FRYL: variants seen among roughly 807,000 people sequenced by gnomAD.
FRYL encodes the protein FRY like transcription coactivator, also known as protein furry homolog-like.
FRYL carries 150 observed loss-of-function variants against 351.2 expected under a neutral mutation model. The ratio of observed to expected loss-of-function variants is 0.43; its 90% CI spans 0.37 to 0.49. FRYL has a LOEUF of 0.49. Ranked by LOEUF, FRYL falls within the 20% of genes least tolerant of loss-of-function variation. The pLI, the probability that FRYL is intolerant of heterozygous loss-of-function variation, is 0.00. For missense variants in FRYL, 3,036 were observed against 3,619.3 expected (o/e 0.84, Z 4.13); for synonymous variants, 1,153 against 1,257.1 (o/e 0.92, Z 1.75).
chr4:48,704,286 T>C (rs1767067014), intron 2 of FRYL, among the ~76,000 whole-genome samples: 1 of 151,834 alleles, frequency 6.6e-6, no homozygotes, highest in African/African-American at 2.4e-5. Context: ...GAAAAAGAAA[T>C]GCAAATGCCT....
intron 50 of FRYL, among the ~76,000 whole-genome samples, chr4:48,529,336 T>C (rs1577961315): frequency 1.3e-5 from 2 of 152,130 alleles, no homozygotes; most frequent in Admixed American, 6.6e-5. Flanking sequence ...CTCTATACCT[T>C]TGGTGTATCT....
chr4:48,566,162 C>A (rs1736733436), intron 28 of FRYL, among the ~76,000 whole-genome samples: 1 of 152,030 alleles, frequency 6.6e-6, no homozygotes, highest in African/African-American at 2.4e-5. Flanking sequence ...CTAAAGGAAG[C>A]TTACATGTAA....
chr4:48,702,123 C>T (rs1309651007), intron 2 of FRYL, among the ~76,000 whole-genome samples: 1 of 152,042 alleles, frequency 6.6e-6, no homozygotes, highest in African/African-American at 2.4e-5. Context: ...TAATCTCATA[C>T]AATTCAACGT....
chr4:48,652,104 T>C (rs1247115534), intron 3 of FRYL, among the ~76,000 whole-genome samples: 6 of 152,202 alleles, frequency 3.9e-5, no homozygotes, highest in African/African-American at 1.4e-4. Flanking sequence ...TCAAGGAGTA[T>C]GATTAAACAA....
At chr4:48,544,937 AT>A (rs1553924875) in intron 42 of FRYL, 33 bp from the exon 43 acceptor site, 15 of 1,572,382 alleles carry the variant, frequency 9.5e-6, no homozygotes, top group Non-Finnish European at 1.2e-5. Flanking sequence ...ATTTCCTTGG[AT>A]TTTCACTTGT....
chr4:48,675,355 G>A (rs890701478), intron 3 of FRYL, among the ~76,000 whole-genome samples: 15 of 152,364 alleles, frequency 9.8e-5, no homozygotes, highest in Admixed American at 8.5e-4. Flanking sequence ...AGGCGCGAGC[G>A]GAAACCGGGG....
intron 1 of FRYL, among the ~76,000 whole-genome samples, chr4:48,745,086 G>C (rs755128642): frequency 6.6e-6 from 1 of 152,074 alleles, no homozygotes; most frequent in Non-Finnish European, 1.5e-5. Context: ...AGTCCAAGAG[G>C]GCTTTTAATC....
intron 1 of FRYL, among the ~76,000 whole-genome samples, chr4:48,777,412 C>T (rs1776136080): frequency 6.6e-6 from 1 of 152,146 alleles, no homozygotes; most frequent in Non-Finnish European, 1.5e-5. Context: ...AGGACATTAT[C>T]TTTTTCTGTC....
At position 48,697,797 on chromosome 4, in the gene FRYL, G is replaced by A. The variant is rs140805046; in HGVS notation, c.-204+12722C>T. Among the ~76,000 whole-genome samples the A allele has an allele frequency of 1.2e-4, 18 of 152,192 alleles. No individual in the cohort carries two copies. In the East Asian group the frequency reaches 3.5e-3, roughly 29 times the overall value. On this transcript the variant is annotated intron_variant, in intron 2 of 63. Coordinates refer to ENST00000358350, the MANE Select transcript of FRYL (RefSeq NM_015030.2). Reference sequence around the variant, plus strand: ...TACTTTTAAAAAGCTTCATAGAGAAGTACTTAAAGAAAAAAATGAAATAGA... The same window carrying A: ...TACTTTTAAAAAGCTTCATAGAGAAATACTTAAAGAAAAAAATGAAATAGA...
chr4:48,508,070 CTT>C (rs2148747210), intron 59 of FRYL, among the ~76,000 whole-genome samples: 1 of 152,292 alleles, frequency 6.6e-6, no homozygotes, highest in East Asian at 1.9e-4. Flanking sequence ...AACATATAGT[CTT>C]TGTAACTATT....
At chr4:48,618,579 T>C (rs565878536) in intron 7 of FRYL, 67 of 93,592 alleles carry the variant, frequency 7.2e-4, no homozygotes, top group African/African-American at 2.7e-3. Flanking sequence ...TTAAAGACCA[T>C]GATCTTTAAA....
intron 46 of FRYL, 140 bp from the exon 47 acceptor site, chr4:48,540,208 C>T (rs1729861853): frequency 1.7e-6 from 2 of 1,203,552 alleles, no homozygotes; most frequent in Non-Finnish European, 2.3e-6. Context: ...TCTTTTTTGG[C>T]TTTTACCAAA....
rs1043626048 is a variant in FRYL, at chr4:48,728,944, G to C, written c.-383-18246C>G. Among the ~76,000 whole-genome samples, 32 of 152,362 alleles carry C rather than the reference G, an allele frequency of 2.1e-4. 1 individual carries two copies. The highest frequency in any genetic ancestry group is 2.0e-3 in the Admixed American group (31 of 15,308). On this transcript the variant is annotated intron_variant, in intron 1 of 63. Coordinates refer to ENST00000358350, the MANE Select transcript of FRYL (RefSeq NM_015030.2). ...TCACCTCACCTGGGAAATGCAAGCG[G>C]TCAGGGGATTTCCCTTTCCTAGCCA...
At chr4:48,773,539 A>C (rs1775727541) in intron 1 of FRYL, among the ~76,000 whole-genome samples, 1 of 152,178 alleles carries the variant, frequency 6.6e-6, no homozygotes, top group African/African-American at 2.4e-5. Flanking sequence ...TAGTATAAGG[A>C]AGTGTTACCA....
chr4:48,671,767 C>A (rs1445918601), intron 3 of FRYL, among the ~76,000 whole-genome samples: 2 of 145,334 alleles, frequency 1.4e-5, no homozygotes, highest in Admixed American at 1.5e-4. Flanking sequence ...GCACAAGAAT[C>A]GCTTGAACCT....
Position 48,579,237 on chromosome 4 carries a change from G to A in FRYL, c.2264C>T (p.Thr755Ile). 2 of 1,607,650 alleles carry A rather than the reference G, an allele frequency of 1.2e-6. No individual in the cohort carries two copies. The highest frequency in any genetic ancestry group is 1.7e-6 in the Non-Finnish European group (2 of 1,177,382). Residue 755 changes from threonine to isoleucine, a missense_variant, in exon 23 of 64, where the codon ACT becomes ATT. Transcript: ENST00000358350. ...FIHLTGADQT[T>I]LLYCPSSIDL... ...TATCGAGCTAGGGCAATAGAGCAAA[G>A]TAGTCTATATGGAGAGGAAAAAATT...
intron 3 of FRYL, among the ~76,000 whole-genome samples, chr4:48,660,574 TC>T (rs1203565782): frequency 6.6e-6 from 1 of 152,234 alleles, no homozygotes; most frequent in Non-Finnish European, 1.5e-5. Context: ...CTAATGAGCT[TC>T]CAGGGTTGGC....
chr4:48,570,173 A>T (rs1393632291), intron 27 of FRYL, among the ~76,000 whole-genome samples: 1 of 151,992 alleles, frequency 6.6e-6, no homozygotes, highest in East Asian at 1.9e-4. Flanking sequence ...CACATCTATT[A>T]TATTTCTCCT....
At chr4:48,561,296 T>C (rs1735458769) in intron 33 of FRYL, among the ~76,000 whole-genome samples, 172 bp downstream of exon 33, 1 of 152,098 alleles carries the variant, frequency 6.6e-6, no homozygotes, top group Non-Finnish European at 1.5e-5. Context: ...AAAACCTAAA[T>C]ATTGTGACTG....
Sources: gnomAD v4.1 joint callset for allele counts (sites outside exome capture counted in the v4.1 genomes callset) on GRCh38, gnomAD v4.1.1 for gene constraint, MANE v1.5 for transcripts, NCBI Gene and HGNC (gene_info 2026-07-23, HGNC 2026-07-21) for gene names.